CKAP2L: variants seen among roughly 807,000 people sequenced by gnomAD.
CKAP2L encodes the protein cytoskeleton-associated protein 2-like.
A neutral mutation model predicts 65.7 loss-of-function variants in CKAP2L; 42 were observed. That is an observed-to-expected ratio of 0.64 (90% CI 0.50 to 0.83). The LOEUF (loss-of-function observed/expected upper bound fraction) is 0.83, where lower values mean the gene tolerates loss of function less well. Among genes scored for constraint, CKAP2L ranks in the 40% least tolerant of loss-of-function variants. The probability of loss-of-function intolerance (pLI) is 0.00; values close to 1 mark genes in which losing one functional copy is unlikely to be tolerated. For missense variants in CKAP2L, 908 were observed against 871.0 expected (o/e 1.04, Z -0.53); for synonymous variants, 325 against 313.5 (o/e 1.04, Z -0.39).
intron 2 of CKAP2L, among the ~76,000 whole-genome samples, chr2:112,761,549 TAAA>T (rs201461809): frequency 7.6e-6 from 1 of 130,916 alleles, no homozygotes; most frequent in African/African-American, 2.8e-5. Flanking sequence ...AAAGAAATAT[TAAA>T]AAAAAAAAAA....
chr2:112,748,040 A>G (rs1680257072), intron 5 of CKAP2L, among the ~76,000 whole-genome samples: 1 of 152,256 alleles, frequency 6.6e-6, no homozygotes, highest in Admixed American at 6.5e-5. Flanking sequence ...ACAGTATGAA[A>G]ACAACATTTA....
intron 8 of CKAP2L, 109 bp from the exon 9 acceptor site, chr2:112,739,157 G>A (rs1160748844): frequency 4.7e-6 from 4 of 848,016 alleles, no homozygotes; most frequent in Non-Finnish European, 7.4e-6. Context: ...TTTAACATAG[G>A]GTGATACAAG....
At chr2:112,754,548 C>A (rs1490822329) in intron 4 of CKAP2L, among the ~76,000 whole-genome samples, 1 of 152,166 alleles carries the variant, frequency 6.6e-6, no homozygotes, top group Non-Finnish European at 1.5e-5. Context: ...AATTTTGTTT[C>A]TCTAGTACTT....
In CKAP2L at chr2:112,756,607, G is replaced by A. The variant is rs1287168004; in HGVS notation, c.764C>T (p.Pro255Leu). 6.2e-7 allele frequency: 1 copy of A among 1,613,076 alleles called. No homozygotes were observed. Among genetic ancestry groups the A allele is most frequent in the South Asian group, 1.1e-5 (1 of 90,862 alleles). Residue 255 changes from proline (P) to leucine (L), a missense_variant, in exon 4 of 9, where the codon CCA (proline) becomes CTA (leucine). Transcript: ENST00000302450. ...FVGETQSRTF[P>L]VKSQQLSRGA... Reference sequence around the variant, plus strand: ...TCTAGAGAGTTGCTGTGATTTTACTGGGAAAGTCCTGCTTTGTGTTTCTCC... The same window carrying A: ...TCTAGAGAGTTGCTGTGATTTTACTAGGAAAGTCCTGCTTTGTGTTTCTCC...
intron 4 of CKAP2L, among the ~76,000 whole-genome samples, chr2:112,755,637 T>A (rs1680507045): frequency 6.6e-6 from 1 of 152,134 alleles, no homozygotes; most frequent in Admixed American, 6.5e-5. Flanking sequence ...CTCACTTATC[T>A]GCTCTATTGC....
intron 3 of CKAP2L, among the ~76,000 whole-genome samples, chr2:112,758,907 C>T (rs1680626879): frequency 6.6e-6 from 1 of 152,084 alleles, no homozygotes; most frequent in Non-Finnish European, 1.5e-5. Flanking sequence ...TTTTCTGCTC[C>T]CTGCAGTTCT....
At chr2:112,750,359 T>A (rs947804923) in intron 5 of CKAP2L, among the ~76,000 whole-genome samples, 1 of 151,836 alleles carries the variant, frequency 6.6e-6, no homozygotes, top group Non-Finnish European at 1.5e-5. Flanking sequence ...GCCCAGAGAG[T>A]GAGAAGTGCC....
At chr2:112,746,268 T>G (rs933646528) in intron 6 of CKAP2L, 152 bp downstream of exon 6, 1 of 514,552 alleles carries the variant, frequency 1.9e-6, no homozygotes, top group South Asian at 6.0e-5. Flanking sequence ...GTATTGGGTT[T>G]AATATATTTT....
intron 3 of CKAP2L, among the ~76,000 whole-genome samples, 171 bp from the exon 4 acceptor site, chr2:112,757,385 G>GTTTTTTTT (rs11311328): frequency 4.8e-4 from 42 of 87,408 alleles, no homozygotes; most frequent in East Asian, 9.0e-4. Flanking sequence ...TAGTTTTTGT[G>GTTTTTTTT]TTTTTTTTTT....
At position 112,756,639 on chromosome 2, in the gene CKAP2L, T is replaced by C. The variant is rs746736829; in HGVS notation, c.732A>G (p.Gln244=). 2 of 1,610,648 alleles carry C rather than the reference T, an allele frequency of 1.2e-6. No homozygotes were observed. The highest frequency in any genetic ancestry group is 1.7e-6 in the Non-Finnish European group (2 of 1,178,900). Residue 244 remains glutamine (Q), a synonymous_variant, in exon 4 of 9, where the codon CAA becomes CAG. Transcript: ENST00000302450. ...SAVLKDRVNK[Q]FVGETQSRTF... ...TCCTGCTTTGTGTTTCTCCAACAAA[T>C]TGTTTATTAACCCTATCTTTCAGAA...
chr2:112,752,123 CATT>C (rs1680388273), intron 5 of CKAP2L, 141 bp downstream of exon 5: 7 of 620,786 alleles, frequency 1.1e-5, no homozygotes, highest in South Asian at 6.5e-5. Flanking sequence ...ATGGGCATGT[CATT>C]ATTATTATTA....
intron 1 of CKAP2L, chr2:112,763,939 G>A (rs985419876): frequency 6.6e-6 from 1 of 152,666 alleles, no homozygotes; most frequent in African/African-American, 2.4e-5. Context: ...GCATCAACAG[G>A]AATAATGGAT....
Position 112,757,255 on chromosome 2 carries a change from A to G in CKAP2L, c.157-41T>C, listed in dbSNP as rs750298082. 1.8e-5 allele frequency: 25 copies of G among 1,363,548 alleles called. No homozygotes were observed. The South Asian group carries it at 2.6e-4, about 14-fold the overall frequency. The allele number at this position is 1,363,548 out of a possible 1,614,324, so 84.5% of individuals were successfully genotyped here. A position where few individuals can be genotyped will look rare whatever the true frequency, so the allele number is the denominator to read the frequency against. On this transcript the variant is annotated intron_variant, in intron 3 of 8. Transcript: ENST00000302450. Reference sequence around the variant, plus strand: ...AAATACATATTAAAAAATCCTTAACATATCTTATTGTTTTTAAAATAATAA... The same window carrying G: ...AAATACATATTAAAAAATCCTTAACGTATCTTATTGTTTTTAAAATAATAA...
intron 6 of CKAP2L, among the ~76,000 whole-genome samples, chr2:112,743,138 TATATAG>T (rs1389284139): frequency 6.6e-6 from 1 of 152,172 alleles, no homozygotes; most frequent in Non-Finnish European, 1.5e-5. Flanking sequence ...ATGCATTTTA[TATATAG>T]ATATAGATAT....
At chr2:112,762,987 T>C (rs987342046) in intron 1 of CKAP2L, among the ~76,000 whole-genome samples, 1 of 152,182 alleles carries the variant, frequency 6.6e-6, no homozygotes, top group African/African-American at 2.4e-5. Context: ...GATCTCACTA[T>C]GTTGCCAGGG....
At chr2:112,751,496 A>C (rs1680371897) in intron 5 of CKAP2L, among the ~76,000 whole-genome samples, 1 of 152,186 alleles carries the variant, frequency 6.6e-6, no homozygotes, top group Admixed American at 6.5e-5. Context: ...TTTCAATAAT[A>C]AAAAGGTACT....
rs765968211 is a variant in CKAP2L at position 112,752,427 on chromosome 2, C to A, written c.1442G>T (p.Arg481Leu). The A allele has an allele frequency of 6.2e-7, 1 of 1,611,646 alleles. No homozygotes were observed. Among genetic ancestry groups the A allele is most frequent in the South Asian group, 1.1e-5 (1 of 90,816 alleles). The part of the protein sequence containing the change: ...WQKSKGKTYK[R>L]PPMELKTKRK... The stretch of plus-strand genomic sequence containing the variant: ...TTTTGTTTTAAGTTCCATAGGAGGC[C>A]GTTTATAGGTTTTTCCCTTAGATTT... The change falls in exon 5 of 9, where the codon CGG becomes CTG. Residue 481 changes from arginine to leucine, a missense_variant. Coordinates refer to ENST00000302450, the MANE Select transcript of CKAP2L (RefSeq NM_152515.5).
rs765968211 is a variant in CKAP2L at position 112,752,427 on chromosome 2, C to T, written c.1442G>A (p.Arg481Gln). The T allele has an allele frequency of 2.9e-5, 46 of 1,611,528 alleles. No individual in the cohort carries two copies. The South Asian group carries it at 4.3e-4, about 15-fold the overall frequency. The change falls in exon 5 of 9, where the codon CGG becomes CAG. Residue 481 changes from arginine to glutamine, a missense_variant. Physicochemically the swap from Arg to Gln is conservative, Grantham distance 43. Coordinates refer to ENST00000302450, the MANE Select transcript of CKAP2L (RefSeq NM_152515.5). Reference sequence around the variant, plus strand: ...TTTTGTTTTAAGTTCCATAGGAGGCCGTTTATAGGTTTTTCCCTTAGATTT... The same window carrying T: ...TTTTGTTTTAAGTTCCATAGGAGGCTGTTTATAGGTTTTTCCCTTAGATTT... ...WQKSKGKTYK[R>Q]PPMELKTKRK...
intron 7 of CKAP2L, among the ~76,000 whole-genome samples, chr2:112,741,581 G>C (rs1461019056): frequency 6.6e-6 from 1 of 152,208 alleles, no homozygotes; most frequent in African/African-American, 2.4e-5. Context: ...GGTCAATAGG[G>C]TGCAACAAAG....
Sources: allele counts gnomAD v4.1 joint callset (sites outside exome capture counted in the v4.1 genomes callset), GRCh38; gene constraint gnomAD v4.1.1; transcripts MANE v1.5; gene names NCBI Gene and HGNC (gene_info 2026-07-23, HGNC 2026-07-21).